Variants in ARFGEF1 observed in about 807,000 individuals in gnomAD.
ARFGEF1 encodes ARF guanine nucleotide exchange factor 1.
In ARFGEF1, 42 loss-of-function variants were observed where a neutral mutation model predicts 231.0. The observed-to-expected ratio is 0.18, with a 90% CI of 0.14 to 0.24. The LOEUF (loss-of-function observed/expected upper bound fraction) is 0.24, where lower values mean the gene tolerates loss of function less well. ARFGEF1 is among the 10% of genes least tolerant of loss of function. ARFGEF1 has a pLI of 1.00. For synonymous variants in ARFGEF1, 710 were observed against 732.3 expected, an observed-to-expected ratio of 0.97 and a Z score of 0.49; for missense variants, 1,345 against 2,192.0, an observed-to-expected ratio of 0.61 and a Z score of 7.72.
At chr8:67,310,833 C>G (rs961040916) in intron 1 of ARFGEF1, among the ~76,000 whole-genome samples, 1 of 151,532 alleles carries the variant, frequency 6.6e-6, no homozygotes, top group Non-Finnish European at 1.5e-5. Context: ...ACCACCCCGT[C>G]TGAGAAGTGA....
At chr8:67,183,219 C>T (rs1209382596) in intron 5 of ARFGEF1, among the ~76,000 whole-genome samples, 2 of 152,166 alleles carry the variant, frequency 1.3e-5, no homozygotes, top group Non-Finnish European at 2.9e-5. Context: ...AGATTTTTAA[C>T]ACCTCTCTAT....
chr8:67,327,884 C>A (rs1462371102), intron 1 of ARFGEF1, among the ~76,000 whole-genome samples: 1 of 152,344 alleles, frequency 6.6e-6, no homozygotes, highest in African/African-American at 2.4e-5. Flanking sequence ...AACACAACAT[C>A]ATTTAATCAA....
chr8:67,271,098 C>T (rs1291449529), intron 10 of ARFGEF1, among the ~76,000 whole-genome samples: 1 of 145,068 alleles, frequency 6.9e-6, no homozygotes, highest in East Asian at 2.0e-4. Context: ...CATGCAGACA[C>T]GATTGAAAAC....
chr8:67,343,755 GC>G lies in ARFGEF1; in HGVS notation c.-469del. On this transcript the variant is annotated 5_prime_UTR_variant, in exon 1 of 39. The change abolishes the stop of an existing upstream ORF in the 5' untranslated region. Transcript: ENST00000262215. ...AACTGGCCCCCATCACCGCCGACCT[GC>G]CCCGGCCGCCATGTTGGGAGGAAAC... 1 of 263,730 alleles carries G rather than the reference GC, an allele frequency of 3.8e-6. No individual in the cohort carries two copies. Among genetic ancestry groups the G allele is most frequent in the Non-Finnish European group, 5.9e-6 (1 of 168,646 alleles). 16.3% of individuals were successfully genotyped at this position (263,730 alleles called of 1,614,324 possible).
chr8:67,253,726 A>C (rs2128886446), intron 17 of ARFGEF1, 104 bp from the exon 18 acceptor site: 1 of 644,404 alleles, frequency 1.6e-6, no homozygotes, highest in Non-Finnish European at 2.3e-6. Flanking sequence ...AATACTTTTG[A>C]GGATAGAAAC....
At chr8:67,268,719 G>A (rs571831412) in intron 10 of ARFGEF1, among the ~76,000 whole-genome samples, 7 of 152,074 alleles carry the variant, frequency 4.6e-5, no homozygotes, top group Non-Finnish European at 8.8e-5. Context: ...AAGTAATTGC[G>A]GTAAAGAATA....
chr8:67,302,469 G>T lies in ARFGEF1; in HGVS notation c.125-3C>A. On this transcript the variant is annotated splice_polypyrimidine_tract_variant and splice_region_variant and intron_variant, in intron 1 of 38. Transcript: ENST00000262215. ...TTCAGTTTCCGCTTTTATTTCCTCT[G>T]AGGGGAAAAAAAAAGAAGCATACAT... 6.4e-7 allele frequency: 1 copy of T among 1,560,346 alleles called. No individual in the cohort carries two copies. The highest frequency in any genetic ancestry group is 8.6e-7 in the Non-Finnish European group (1 of 1,158,160).
chr8:67,179,745 T>TAG, intron 5 of ARFGEF1: 4 of 681,018 alleles, frequency 5.9e-6, no homozygotes, highest in Non-Finnish European at 1.0e-5. Flanking sequence ...GTCCTACCTC[T>TAG]ACCCATCCTC....
intron 1 of ARFGEF1, among the ~76,000 whole-genome samples, chr8:67,326,408 A>G (rs923034214): frequency 7.2e-5 from 11 of 152,222 alleles, no homozygotes; most frequent in African/African-American, 2.7e-4. Context: ...TACAAACATT[A>G]AAACAACCTA....
At chr8:67,225,357 C>G (rs1839335577) in intron 28 of ARFGEF1, among the ~76,000 whole-genome samples, 2 of 152,280 alleles carry the variant, frequency 1.3e-5, no homozygotes, top group Admixed American at 6.5e-5. Context: ...TGATACCAGA[C>G]AGCCACATTA....
chr8:67,283,074 T>C (rs957882135), intron 7 of ARFGEF1, among the ~76,000 whole-genome samples: 2 of 152,098 alleles, frequency 1.3e-5, no homozygotes, highest in African/African-American at 2.4e-5. Context: ...AGTTGGAATA[T>C]ACAAAATGGC....
In ARFGEF1 at chr8:67,218,007, C is replaced by A; in HGVS notation, c.4470G>T (p.Gln1490His). The part of the protein sequence containing the change: ...DIFAQLYWCV[Q>H]QDNEQLARSG... ...ACATATCTGGTACAGACCTACCTTG[C>A]TGCACACACCAGTAGAGCTGAGCAA... The change falls in exon 31 of 39, where the codon CAG (glutamine) becomes CAT (histidine). Residue 1490 changes from glutamine (Q) to histidine (H), a missense_variant. Coordinates refer to ENST00000262215, the MANE Select transcript of ARFGEF1 (RefSeq NM_006421.5). 1 of 1,611,904 alleles carries A rather than the reference C, an allele frequency of 6.2e-7. No homozygotes were observed. Among genetic ancestry groups the A allele is most frequent in the Non-Finnish European group, 8.5e-7 (1 of 1,178,966 alleles).
At chr8:67,274,566 A>G (rs1053610567) in intron 9 of ARFGEF1, among the ~76,000 whole-genome samples, 4 of 152,074 alleles carry the variant, frequency 2.6e-5, no homozygotes, top group African/African-American at 9.6e-5. Context: ...TCAAAACCAG[A>G]TCACTCTTTT....
downstream of ARFGEF1, chr8:67,175,378 C>T: frequency 6.2e-7 from 1 of 1,613,966 alleles, no homozygotes; most frequent in South Asian, 1.1e-5. Flanking sequence ...AGCAGCAAGC[C>T]CTGCTAAGAG....
At chr8:67,302,193 T>C (rs1194160006) in intron 2 of ARFGEF1, among the ~76,000 whole-genome samples, 1 of 152,094 alleles carries the variant, frequency 6.6e-6, no homozygotes, top group Non-Finnish European at 1.5e-5. Flanking sequence ...AGCGAGACCC[T>C]GTCTCCAAAA....
chr8:67,232,988 CAG>C (rs1448761534), intron 22 of ARFGEF1, 43 bp from the exon 23 acceptor site: 5 of 1,470,576 alleles, frequency 3.4e-6, no homozygotes, highest in Non-Finnish European at 4.7e-6. Context: ...GAAAATAATT[CAG>C]TAGAAGAATA....
chr8:67,193,435 C>A (rs1361699448), downstream of ARFGEF1: 1 of 1,598,808 alleles, frequency 6.3e-7, no homozygotes, highest in Non-Finnish European at 8.6e-7. Context: ...GTGTTAATGA[C>A]TTTCTGAAGT....
chr8:67,281,338 A>T (rs188057960), intron 7 of ARFGEF1, among the ~76,000 whole-genome samples: 120 of 152,234 alleles, frequency 7.9e-4, no homozygotes, highest in Middle Eastern at 6.8e-3. Flanking sequence ...GAAAAGTCAT[A>T]AAAAAATCAA....
chr8:67,334,284 C>CAAAAAAAAAAAAAAAAA (rs35170687), intron 1 of ARFGEF1, among the ~76,000 whole-genome samples: 1 of 104,950 alleles, frequency 9.5e-6, no homozygotes. Flanking sequence ...TTCCAAAGTC[C>CAAAAAAAAAAAAAAAAA]AAAAAAAAAA....
Sources: allele counts gnomAD v4.1 joint callset (sites outside exome capture counted in the v4.1 genomes callset), GRCh38; gene constraint gnomAD v4.1.1; transcripts MANE v1.5; gene names NCBI Gene and HGNC (gene_info 2026-07-23, HGNC 2026-07-21).